GUCA1B: variants seen among roughly 807,000 people sequenced by gnomAD.
The protein encoded by GUCA1B is guanylyl cyclase-activating protein 2.
A neutral mutation model predicts 24.2 loss-of-function variants in GUCA1B; 22 were observed. The ratio of observed to expected loss-of-function variants is 0.91; its 90% CI spans 0.65 to 1.30. GUCA1B has a LOEUF of 1.30. Among genes scored for constraint, GUCA1B ranks in the 50% most tolerant of loss-of-function variants. The pLI, the probability that GUCA1B is intolerant of heterozygous loss-of-function variation, is 0.00. For missense variants in GUCA1B, 221 were observed against 258.8 expected (o/e 0.85, Z 1.00); for synonymous variants, 100 against 97.9 (o/e 1.02, Z -0.13).
intron 1 of GUCA1B, among the ~76,000 whole-genome samples, chr6:42,192,634 C>A (rs534140328): frequency 1.3e-5 from 2 of 152,240 alleles, no homozygotes; most frequent in South Asian, 4.1e-4. Flanking sequence ...ATTGCTTGAA[C>A]TCAGGAGGTG....
At chr6:42,190,174 C>T (rs146310946) in intron 1 of GUCA1B, among the ~76,000 whole-genome samples, 3 of 152,228 alleles carry the variant, frequency 2.0e-5, no homozygotes, top group East Asian at 1.9e-4. Flanking sequence ...GAAAACAAAA[C>T]GAGCTTACCT....
intron 2 of GUCA1B, among the ~76,000 whole-genome samples, chr6:42,186,426 C>A (rs535297678): frequency 2.2e-4 from 33 of 152,090 alleles, no homozygotes; most frequent in Non-Finnish European, 3.7e-4. Flanking sequence ...AATCCTGTCT[C>A]TACTAAAAAT....
Position 42,188,581 on chromosome 6 carries a change from C to A in GUCA1B, c.357+1G>T, listed in dbSNP as rs759096831. On this transcript the variant is annotated splice_donor_variant, in intron 2 of 3. Transcript: ENST00000230361. LOFTEE classifies it high-confidence loss of function. ...GCTGGCCCATGGGCAGAGACACTAA[C>A]CTCCACAATGTTGAGTAGCTCCAGG... 6 of 1,613,980 alleles carry A rather than the reference C, an allele frequency of 3.7e-6. No homozygotes were observed. Among genetic ancestry groups the A allele is most frequent in the Admixed American group, 3.3e-5 (2 of 59,996 alleles).
Position 42,183,792 on chromosome 6 carries a change from T to C in GUCA1B, c.*1023A>G, listed in dbSNP as rs1160322656. Among the ~76,000 whole-genome samples the C allele has an allele frequency of 6.6e-6, 1 of 152,050 alleles. No homozygotes were observed. The highest frequency in any genetic ancestry group is 2.4e-5 in the African/African-American group (1 of 41,390). ...ATGGCTGGGAGTTGTGGAAGGTCCATACTGGGGGATATGGATGGAAAGAGA... is the reference window on the plus strand; with the variant it reads ...ATGGCTGGGAGTTGTGGAAGGTCCACACTGGGGGATATGGATGGAAAGAGA... On this transcript the variant is annotated 3_prime_UTR_variant, in exon 4 of 4. Coordinates refer to ENST00000230361, the MANE Select transcript of GUCA1B (RefSeq NM_002098.6).
At chr6:42,192,699 G>T (rs1428158229) in intron 1 of GUCA1B, among the ~76,000 whole-genome samples, 3 of 151,896 alleles carry the variant, frequency 2.0e-5, no homozygotes, top group Non-Finnish European at 1.5e-5. Context: ...GCAACATGGC[G>T]AGACCTCATC....
Position 42,183,509 on chromosome 6 carries a change from T to C in GUCA1B, c.*1306A>G, listed in dbSNP as rs922373453. On this transcript the variant is annotated 3_prime_UTR_variant, in exon 4 of 4. Coordinates refer to ENST00000230361, the MANE Select transcript of GUCA1B (RefSeq NM_002098.6). ...ACTCCCTTTTAATCTAGTTTCTATA[T>C]TGGGGTTACACATAAGAGTTTATAT... is the stretch of plus-strand genomic sequence containing the variant. Among the ~76,000 whole-genome samples, 1 of 152,180 alleles carries C rather than the reference T, an allele frequency of 6.6e-6. No individual in the cohort carries two copies. Among genetic ancestry groups the C allele is most frequent in the Non-Finnish European group, 1.5e-5 (1 of 68,026 alleles).
intron 1 of GUCA1B, among the ~76,000 whole-genome samples, chr6:42,190,426 T>C (rs992343467): frequency 8.6e-5 from 12 of 139,948 alleles, no homozygotes; most frequent in East Asian, 5.8e-4. Context: ...ATATTTCTAA[T>C]ATTTTCCATT....
Position 42,185,768 on chromosome 6 carries a change from C to CCGG in GUCA1B, c.384_386dup (p.Arg130dup). On this transcript the variant is annotated inframe_insertion, in exon 3 of 4. Coordinates refer to ENST00000230361, the MANE Select transcript of GUCA1B (RefSeq NM_002098.6). ...GGCCTTGCTCAGTTTGTAGCTCTCGCCGGCAGGCTTTCTTCAGCTGGTAAA... is the reference window on the plus strand; with the variant it reads ...GGCCTTGCTCAGTTTGTAGCTCTCGCCGGCGGCAGGCTTTCTTCAGCTGGTAAA... 8 of 1,613,092 alleles carry CCGG rather than the reference C, an allele frequency of 5.0e-6. No homozygotes were observed. The highest frequency in any genetic ancestry group is 6.8e-6 in the Non-Finnish European group (8 of 1,179,280).
rs1768181076 is a variant in GUCA1B, at chr6:42,185,694, TCCA to T, written c.458_460del (p.Val153del). 1 of 1,591,594 alleles carries T rather than the reference TCCA, an allele frequency of 6.3e-7. No individual in the cohort carries two copies. Among genetic ancestry groups the T allele is most frequent in the African/African-American group, 1.3e-5 (1 of 74,586 alleles). ...GCCCCTCTTACCATCTCCATTCTCA[TCCA>T]CCAGGAGGAAGATCCTGTCCACGAC... is the stretch of plus-strand genomic sequence containing the variant. On this transcript the variant is annotated inframe_deletion, in exon 3 of 4. Coordinates refer to ENST00000230361, the MANE Select transcript of GUCA1B (RefSeq NM_002098.6).
intron 1 of GUCA1B, among the ~76,000 whole-genome samples, chr6:42,191,609 G>A (rs1197548020): frequency 2.6e-5 from 4 of 152,120 alleles, no homozygotes; most frequent in Admixed American, 1.3e-4. Flanking sequence ...ATAGAGAAGG[G>A]GTGATGGGGT....
chr6:42,194,248 G>A (rs1294138460), intron 1 of GUCA1B, among the ~76,000 whole-genome samples: 1 of 152,220 alleles, frequency 6.6e-6, no homozygotes, highest in Non-Finnish European at 1.5e-5. Flanking sequence ...TAGAGTGACA[G>A]GGGCTCTGGC....
At chr6:42,189,193 A>G (rs905262102) in intron 1 of GUCA1B, among the ~76,000 whole-genome samples, 10 of 152,160 alleles carry the variant, frequency 6.6e-5, no homozygotes, top group African/African-American at 2.4e-4. Context: ...TGACCTCTTC[A>G]GCCATAGTGC....
At chr6:42,191,475 G>T (rs1318002654) in intron 1 of GUCA1B, among the ~76,000 whole-genome samples, 2 of 152,162 alleles carry the variant, frequency 1.3e-5, no homozygotes, top group Non-Finnish European at 2.9e-5. Flanking sequence ...ATATAAGGGG[G>T]AATGGAGTCA....
chr6:42,191,808 G>T (rs1195995521), intron 1 of GUCA1B, among the ~76,000 whole-genome samples: 1 of 152,090 alleles, frequency 6.6e-6, no homozygotes. Context: ...GCCAGTGATG[G>T]GACAAACTGA....
chr6:42,194,829 T>G lies in GUCA1B; in HGVS notation c.-9A>C, dbSNP rs764732632. 4 of 1,550,304 alleles carry G rather than the reference T, an allele frequency of 2.6e-6. No homozygotes were observed. In the African/African-American group the frequency reaches 5.5e-5, roughly 21 times the overall value. ...CTAAACTCCTGCCCCATGCTAGCCC[T>G]GAGGAGCATCAGGGAGCAAGGGTCT... On this transcript the variant is annotated 5_prime_UTR_variant, in exon 1 of 4. Coordinates refer to ENST00000230361, the MANE Select transcript of GUCA1B (RefSeq NM_002098.6).
Position 42,188,733 on chromosome 6 carries a change from T to G in GUCA1B, c.208-2A>C. On this transcript the variant is annotated splice_acceptor_variant, in intron 1 of 3. Coordinates refer to ENST00000230361, the MANE Select transcript of GUCA1B (RefSeq NM_002098.6). LOFTEE classifies it high-confidence loss of function. ...CTCCAGGAAGTCGATGGTGTTGTCC[T>G]GCATTAGATGTGGATGCTGCTGAGG... 6.2e-7 allele frequency: 1 copy of G among 1,613,270 alleles called. No individual in the cohort carries two copies. The highest frequency in any genetic ancestry group is 2.2e-5 in the East Asian group (1 of 44,842).
At chr6:42,194,154 CAGA>C (rs1768357438) in intron 1 of GUCA1B, among the ~76,000 whole-genome samples, 3 of 152,214 alleles carry the variant, frequency 2.0e-5, no homozygotes, top group Admixed American at 2.0e-4. Context: ...TGACCAGTCT[CAGA>C]AGAACCCCAA....
At chr6:42,194,534 T>G (rs1768363839) in intron 1 of GUCA1B, 80 bp downstream of exon 1, 2 of 861,402 alleles carry the variant, frequency 2.3e-6, no homozygotes, top group Non-Finnish European at 4.1e-6. Flanking sequence ...AGTGGGGAAC[T>G]GGGAGCTCTC....
At chr6:42,187,418 CTTTTT>C (rs70987578) in intron 2 of GUCA1B, among the ~76,000 whole-genome samples, 4 of 129,582 alleles carry the variant, frequency 3.1e-5, no homozygotes, top group Admixed American at 1.5e-4. Flanking sequence ...GTTTATTTTA[CTTTTT>C]TTTTTTTTTT....
Sources: gnomAD v4.1 joint callset for allele counts (sites outside exome capture counted in the v4.1 genomes callset) on GRCh38, gnomAD v4.1.1 for gene constraint, MANE v1.5 for transcripts, NCBI Gene and HGNC (gene_info 2026-07-23, HGNC 2026-07-21) for gene names.